SPP2: variants seen among roughly 807,000 people sequenced by gnomAD.
SPP2 encodes the protein secreted phosphoprotein 2.
In SPP2, 34 loss-of-function variants were observed where a neutral mutation model predicts 28.8. That is an observed-to-expected ratio of 1.18 (90% CI 0.90 to 1.57). SPP2 has a LOEUF of 1.57. SPP2 is among the 40% of genes most tolerant of loss of function. SPP2 has a pLI of 0.00. For missense variants in SPP2, 269 were observed against 263.9 expected, an observed-to-expected ratio of 1.02 and a Z score of -0.13; for synonymous variants, 96 against 89.4, an observed-to-expected ratio of 1.07 and a Z score of -0.42.
At chr2:234,055,231 A>G (rs922650620) in intron 2 of SPP2, among the ~76,000 whole-genome samples, 1 of 152,252 alleles carries the variant, frequency 6.6e-6, no homozygotes, top group Non-Finnish European at 1.5e-5. Flanking sequence ...AGGAAAAAAG[A>G]AAATCTGATG....
intron 2 of SPP2, among the ~76,000 whole-genome samples, chr2:234,056,750 A>G (rs1191341537): frequency 2.0e-5 from 3 of 152,132 alleles, no homozygotes; most frequent in African/African-American, 7.2e-5. Flanking sequence ...CGTTCAATAT[A>G]TTAAAATTAT....
Position 234,069,946 on chromosome 2 carries a change from T to C in SPP2, c.569T>C (p.Leu190Ser). The change falls in exon 7 of 8, where the codon TTG becomes TCG. Residue 190 changes from leucine (L) to serine (S), a missense_variant. Transcript: ENST00000168148. ...DRSLGIMRRV[L>S]PPGNRRYPNH... Reference sequence around the variant, plus strand: ...TCTTTAGGGATCATGAGAAGGGTATTGCCTCCTGGAAACAGAAGGTACCCA... The same window carrying C: ...TCTTTAGGGATCATGAGAAGGGTATCGCCTCCTGGAAACAGAAGGTACCCA... 6.2e-7 allele frequency: 1 copy of C among 1,613,270 alleles called. No homozygotes were observed. The highest frequency in any genetic ancestry group is 8.5e-7 in the Non-Finnish European group (1 of 1,179,414).
rs28903705 is a variant in SPP2, at chr2:234,067,505, C to T, written c.550+231C>T. On this transcript the variant is annotated intron_variant, in intron 6 of 7. Coordinates refer to ENST00000168148, the MANE Select transcript of SPP2 (RefSeq NM_006944.3). ...TTAAAAGTTACCAAGAGGCCGGGCGCGGTGGCTCACGCCTGTAATCCCAGC... is the reference window on the plus strand; with the variant it reads ...TTAAAAGTTACCAAGAGGCCGGGCGTGGTGGCTCACGCCTGTAATCCCAGC... 4.0e-3 allele frequency among the ~76,000 whole-genome samples: 616 copies of T among 152,236 alleles called. 4 individuals carry two copies. Among genetic ancestry groups the T allele is most frequent in the Non-Finnish European group, 6.3e-3 (431 of 68,006 alleles).
intron 2 of SPP2, among the ~76,000 whole-genome samples, chr2:234,056,971 C>T (rs1693620757): frequency 6.6e-6 from 1 of 152,036 alleles, no homozygotes; most frequent in South Asian, 2.1e-4. Flanking sequence ...CTCGCTCTCA[C>T]AGAAAGAGCG....
chr2:234,060,294 TC>T, intron 3 of SPP2, 74 bp from the exon 4 acceptor site: 1 of 968,680 alleles, frequency 1.0e-6, no homozygotes, highest in Admixed American at 2.1e-5. Context: ...ACATTTATTT[TC>T]CTGATTTACT....
chr2:234,069,880 G>A (rs1312950351), intron 6 of SPP2, 48 bp from the exon 7 acceptor site: 1 of 1,442,230 alleles, frequency 6.9e-7, no homozygotes, highest in African/African-American at 1.4e-5. Flanking sequence ...CACTGTCTCA[G>A]ATCTTGATGT....
chr2:234,067,382 T>C (rs933667324), intron 6 of SPP2, 108 bp downstream of exon 6: 7 of 987,442 alleles, frequency 7.1e-6, no homozygotes, highest in Admixed American at 6.7e-5. Flanking sequence ...GTTAAATCTC[T>C]GAAATACAAA....
At chr2:234,063,703 T>G (rs1190342287) in intron 4 of SPP2, among the ~76,000 whole-genome samples, 1 of 152,164 alleles carries the variant, frequency 6.6e-6, no homozygotes, top group East Asian at 1.9e-4. Flanking sequence ...AGGAGTACGA[T>G]GCTGAAATGG....
At chr2:234,059,050 C>G in intron 3 of SPP2, 92 bp downstream of exon 3, 1 of 1,476,344 alleles carries the variant, frequency 6.8e-7, no homozygotes, top group South Asian at 1.4e-5. Flanking sequence ...TTGGTCGCTG[C>G]CTGGCTAGCA....
intron 6 of SPP2, among the ~76,000 whole-genome samples, chr2:234,068,347 G>A (rs967416066): frequency 7.2e-5 from 11 of 152,266 alleles, no homozygotes; most frequent in African/African-American, 2.6e-4. Context: ...TTTGCTTGTG[G>A]CTACATTGCC....
chr2:234,075,787 C>T (rs1254703007), intron 7 of SPP2, among the ~76,000 whole-genome samples: 1 of 152,166 alleles, frequency 6.6e-6, no homozygotes, highest in African/African-American at 2.4e-5. Flanking sequence ...CTGCCAGACA[C>T]CTCCGTCTGG....
chr2:234,057,013 C>T (rs768593859), intron 2 of SPP2, among the ~76,000 whole-genome samples: 1 of 152,050 alleles, frequency 6.6e-6, no homozygotes, highest in Non-Finnish European at 1.5e-5. Flanking sequence ...CTGGGCAGTA[C>T]GTTCAATGTG....
intron 4 of SPP2, among the ~76,000 whole-genome samples, chr2:234,065,303 A>G (rs953423903): frequency 2.6e-5 from 4 of 151,890 alleles, no homozygotes; most frequent in Admixed American, 1.3e-4. Context: ...TGTTGTTGAC[A>G]GAGTCTCACT....
intron 4 of SPP2, among the ~76,000 whole-genome samples, chr2:234,063,740 A>G (rs1392950843): frequency 1.3e-5 from 2 of 152,114 alleles, no homozygotes; most frequent in Non-Finnish European, 2.9e-5. Context: ...TGTAGGTTGG[A>G]GCTCTCTTTC....
chr2:234,075,807 A>G (rs1690883638), intron 7 of SPP2, among the ~76,000 whole-genome samples: 1 of 151,954 alleles, frequency 6.6e-6, no homozygotes, highest in Admixed American at 6.5e-5. Flanking sequence ...GGTATTCCAC[A>G]CCACGTTCAA....
At chr2:234,074,814 T>C (rs137904473) in intron 7 of SPP2, among the ~76,000 whole-genome samples, 72 of 152,292 alleles carry the variant, frequency 4.7e-4, no homozygotes, top group African/African-American at 1.6e-3. Flanking sequence ...TAATAGATAC[T>C]GTTGACTCAT....
At position 234,076,114 on chromosome 2, in the gene SPP2, G is replaced by C. The variant is rs13017720; in HGVS notation, c.*11-731G>C. On this transcript the variant is annotated intron_variant, in intron 7 of 7. Transcript: ENST00000168148. ...CAGAGTCATCTTATAATGAGTCTGG[G>C]GTCTTGCTGTGCTGGAGGATGGGGA... Among the ~76,000 whole-genome samples, 98 of 152,042 alleles carry C rather than the reference G, an allele frequency of 6.4e-4. 1 individual carries two copies. The highest frequency in any genetic ancestry group is 2.3e-3 in the African/African-American group (95 of 41,484).
intron 4 of SPP2, among the ~76,000 whole-genome samples, chr2:234,062,243 GAGCAGAC>G (rs1359943661): frequency 1.3e-5 from 2 of 152,186 alleles, no homozygotes; most frequent in South Asian, 4.1e-4. Flanking sequence ...GTCACCTGGG[GAGCAGAC>G]AGCTTCCCCC....
intron 7 of SPP2, 51 bp downstream of exon 7, chr2:234,070,074 G>T: frequency 2.1e-6 from 3 of 1,460,484 alleles, no homozygotes; most frequent in Middle Eastern, 3.5e-4. Context: ...AAGCTACGTG[G>T]AGTGAACGCC....
Sources: allele counts gnomAD v4.1 joint callset (sites outside exome capture counted in the v4.1 genomes callset), GRCh38; gene constraint gnomAD v4.1.1; transcripts MANE v1.5; gene names NCBI Gene and HGNC (gene_info 2026-07-23, HGNC 2026-07-21).